ANKFN1: variants seen among roughly 807,000 people sequenced by gnomAD.
The protein encoded by ANKFN1 is ankyrin repeat and fibronectin type-III domain-containing protein 1.
A neutral mutation model predicts 108.7 loss-of-function variants in ANKFN1; 74 were observed. The ratio of observed to expected loss-of-function variants is 0.68; its 90% CI spans 0.56 to 0.83. ANKFN1 has a LOEUF of 0.83. Among genes scored for constraint, ANKFN1 ranks in the 40% least tolerant of loss-of-function variants. The pLI, the probability that ANKFN1 is intolerant of heterozygous loss-of-function variation, is 0.00. For synonymous variants in ANKFN1, 547 were observed against 516.2 expected (o/e 1.06, Z -0.81); for missense variants, 1,505 against 1,382.3 (o/e 1.09, Z -1.41).
chr17:56,050,796 G>T (rs562514242), intron 4 of ANKFN1, among the ~76,000 whole-genome samples: 1 of 151,998 alleles, frequency 6.6e-6, no homozygotes, highest in South Asian at 2.1e-4. Context: ...ACACCTCTAC[G>T]CAAATAAACT....
At chr17:56,049,332 G>A (rs1904733875) in intron 4 of ANKFN1, among the ~76,000 whole-genome samples, 1 of 152,150 alleles carries the variant, frequency 6.6e-6, no homozygotes, top group East Asian at 1.9e-4. Context: ...CTGCACAAGT[G>A]GGAAATAACA....
chr17:56,184,252 T>C (rs560307025), intron 1 of ANKFN1, among the ~76,000 whole-genome samples: 3 of 152,242 alleles, frequency 2.0e-5, no homozygotes, highest in East Asian at 3.9e-4. Flanking sequence ...GAAATTACCA[T>C]ACCCACTCCA....
At chr17:56,345,749 T>C (rs936303201) in intron 4 of ANKFN1, among the ~76,000 whole-genome samples, 1 of 152,342 alleles carries the variant, frequency 6.6e-6, no homozygotes, top group African/African-American at 2.4e-5. Context: ...GTTTTTTTCT[T>C]GTAAATTTAT....
chr17:56,075,807 A>T (rs1325851728), intron 4 of ANKFN1, among the ~76,000 whole-genome samples: 1 of 152,098 alleles, frequency 6.6e-6, no homozygotes, highest in East Asian at 1.9e-4. Context: ...TAGTTCTGCA[A>T]GCTTTCTCAA....
chr17:56,159,878 T>C (rs925827676), intron 1 of ANKFN1, among the ~76,000 whole-genome samples: 2 of 150,418 alleles, frequency 1.3e-5, no homozygotes, highest in Non-Finnish European at 2.9e-5. Context: ...ATTTTAAAAT[T>C]ATAGGATATA....
chr17:56,223,647 A>C (rs965953164), intron 2 of ANKFN1, among the ~76,000 whole-genome samples: 1 of 152,238 alleles, frequency 6.6e-6, no homozygotes, highest in Admixed American at 6.5e-5. Context: ...AGAAGTCATG[A>C]AAAACAATCT....
At chr17:56,365,005 T>TC (rs2046622720) in intron 6 of ANKFN1, among the ~76,000 whole-genome samples, 1 of 152,230 alleles carries the variant, frequency 6.6e-6, no homozygotes, top group African/African-American at 2.4e-5. Flanking sequence ...GTTTTGTGTT[T>TC]CTCTGGTATA....
intron 4 of ANKFN1, among the ~76,000 whole-genome samples, chr17:56,335,195 A>G (rs1245639707): frequency 1.3e-5 from 2 of 152,116 alleles, no homozygotes; most frequent in African/African-American, 2.4e-5. Flanking sequence ...TTGTCTTGGC[A>G]ATGCGGGCTC....
At chr17:56,240,920 T>C (rs1388254898) in intron 3 of ANKFN1, among the ~76,000 whole-genome samples, 1 of 152,182 alleles carries the variant, frequency 6.6e-6, no homozygotes, top group Admixed American at 6.6e-5. Context: ...TAGTAATCTA[T>C]TGTATGTTAT....
At chr17:56,307,315 T>C (rs1328801247) in intron 3 of ANKFN1, among the ~76,000 whole-genome samples, 1 of 152,192 alleles carries the variant, frequency 6.6e-6, no homozygotes, top group Admixed American at 6.5e-5. Context: ...AGAAAATTTT[T>C]GCAATCTGCT....
At chr17:56,291,355 C>A (rs563891835) in intron 3 of ANKFN1, among the ~76,000 whole-genome samples, 46 of 152,184 alleles carry the variant, frequency 3.0e-4, no homozygotes, top group South Asian at 2.9e-3. Flanking sequence ...CACTCTATGA[C>A]TGGGAGATAC....
intron 14 of ANKFN1, among the ~76,000 whole-genome samples, chr17:56,464,689 A>G (rs2050019571): frequency 6.6e-6 from 1 of 152,158 alleles, no homozygotes; most frequent in Non-Finnish European, 1.5e-5. Context: ...CCCACCCTAC[A>G]TTGCATCGAG....
At chr17:56,419,452 T>C (rs901934394) in intron 8 of ANKFN1, among the ~76,000 whole-genome samples, 1 of 147,604 alleles carries the variant, frequency 6.8e-6, no homozygotes, top group Non-Finnish European at 1.5e-5. Flanking sequence ...CATTGCACTC[T>C]AGCCTGGGCA....
intron 3 of ANKFN1, among the ~76,000 whole-genome samples, chr17:56,296,380 G>C (rs956079206): frequency 9.2e-5 from 14 of 152,112 alleles, no homozygotes; most frequent in African/African-American, 3.4e-4. Context: ...CTTTGTAAAA[G>C]AAGCTGATTA....
intron 2 of ANKFN1, among the ~76,000 whole-genome samples, chr17:56,217,551 C>A (rs1055694963): frequency 2.0e-5 from 3 of 152,156 alleles, no homozygotes; most frequent in Non-Finnish European, 4.4e-5. Flanking sequence ...GAGGATAATA[C>A]TGGCATGTGG....
intron 3 of ANKFN1, among the ~76,000 whole-genome samples, chr17:56,283,044 G>A (rs758318739): frequency 6.6e-6 from 1 of 152,138 alleles, no homozygotes; most frequent in African/African-American, 2.4e-5. Flanking sequence ...TGTCAAGGGA[G>A]TTTGGTGTAT....
chr17:56,484,445 A>G (rs562188209), intron 18 of ANKFN1, among the ~76,000 whole-genome samples: 1 of 152,262 alleles, frequency 6.6e-6, no homozygotes, highest in South Asian at 2.1e-4. Context: ...AGAAAGGGAG[A>G]AGTCTAAAGA....
At chr17:56,483,699 T>C (rs529493308) in intron 18 of ANKFN1, among the ~76,000 whole-genome samples, 15 of 152,304 alleles carry the variant, frequency 9.8e-5, no homozygotes, top group African/African-American at 3.6e-4. Context: ...ATTAATCACA[T>C]TGGCCATACC....
chr17:56,419,142 G>A (rs1316183642), intron 8 of ANKFN1, among the ~76,000 whole-genome samples: 1 of 152,190 alleles, frequency 6.6e-6, no homozygotes, highest in African/African-American at 2.4e-5. Context: ...GTGGATAGGA[G>A]CAGCCCACTG....
Sources: allele counts gnomAD v4.1 joint callset (sites outside exome capture counted in the v4.1 genomes callset), GRCh38; gene constraint gnomAD v4.1.1; transcripts MANE v1.5; gene names NCBI Gene and HGNC (gene_info 2026-07-23, HGNC 2026-07-21).